RIC1: variants seen among roughly 807,000 people sequenced by gnomAD.
The protein encoded by RIC1 is guanine nucleotide exchange factor subunit RIC1.
Under a neutral mutation model 169.0 loss-of-function variants are expected in RIC1, and 88 were observed. That is an observed-to-expected ratio of 0.52 (90% CI 0.44 to 0.62). The LOEUF is 0.62. RIC1 is among the 20% of genes least tolerant of loss of function. The probability of loss-of-function intolerance (pLI) is 0.00; values close to 1 mark genes in which losing one functional copy is unlikely to be tolerated. For missense variants in RIC1, 1,877 were observed against 1,725.5 expected (o/e 1.09, Z -1.56); for synonymous variants, 790 against 601.5 (o/e 1.31, Z -4.59).
intron 2 of RIC1, among the ~76,000 whole-genome samples, chr9:5,685,938 C>T (rs992284493): frequency 1.4e-4 from 21 of 150,664 alleles, no homozygotes; most frequent in Non-Finnish European, 2.1e-4. Context: ...AAGAAAAAAA[C>T]AAACAAACCC....
At chr9:5,652,942 T>C (rs2130421766) in intron 1 of RIC1, among the ~76,000 whole-genome samples, 1 of 152,358 alleles carries the variant, frequency 6.6e-6, no homozygotes, top group South Asian at 2.1e-4. Flanking sequence ...ATGCTTTTTC[T>C]GCCTCTCCTG....
At chr9:5,662,167 T>G (rs968980112) in intron 2 of RIC1, among the ~76,000 whole-genome samples, 1 of 152,186 alleles carries the variant, frequency 6.6e-6, no homozygotes, top group Non-Finnish European at 1.5e-5. Flanking sequence ...AGTCTTGCAT[T>G]CCGGGGATGA....
intron 7 of RIC1, among the ~76,000 whole-genome samples, chr9:5,737,512 C>T (rs1370823321): frequency 6.8e-6 from 1 of 146,716 alleles, no homozygotes; most frequent in Non-Finnish European, 1.6e-5. Flanking sequence ...GTATTTTTAC[C>T]ACAAATATAT....
At chr9:5,716,335 C>T (rs533107600) in intron 4 of RIC1, among the ~76,000 whole-genome samples, 27 of 152,146 alleles carry the variant, frequency 1.8e-4, no homozygotes, top group Admixed American at 6.5e-4. Flanking sequence ...AGGCTGGGCA[C>T]GGTGGCTCAT....
chr9:5,752,755 C>T (rs554195932), intron 12 of RIC1, among the ~76,000 whole-genome samples: 3 of 152,218 alleles, frequency 2.0e-5, no homozygotes, highest in South Asian at 4.1e-4. Flanking sequence ...CTGTTTTAAT[C>T]AGAAAAGTGT....
At chr9:5,696,506 C>T (rs189072788) in intron 3 of RIC1, among the ~76,000 whole-genome samples, 188 of 152,092 alleles carry the variant, frequency 1.2e-3, no homozygotes, top group Admixed American at 3.6e-3. Context: ...CTCCTATATC[C>T]GCCCCTGTAC....
At chr9:5,751,763 A>C (rs914781821) in intron 12 of RIC1, among the ~76,000 whole-genome samples, 1 of 152,226 alleles carries the variant, frequency 6.6e-6, no homozygotes, top group African/African-American at 2.4e-5. Context: ...GCACTTGATA[A>C]TAAGTGAAGT....
intron 12 of RIC1, among the ~76,000 whole-genome samples, chr9:5,748,866 A>T (rs1291466803): frequency 2.0e-5 from 3 of 152,256 alleles, no homozygotes; most frequent in Non-Finnish European, 2.9e-5. Context: ...TTTGGGTACT[A>T]GCAAGATTCC....
chr9:5,680,895 C>T (rs1358800554), intron 2 of RIC1, among the ~76,000 whole-genome samples: 6 of 128,542 alleles, frequency 4.7e-5, no homozygotes, highest in Non-Finnish European at 9.4e-5. Context: ...GGCGCGATCT[C>T]GGCTCACTGC....
chr9:5,650,180 G>C (rs554883004), intron 1 of RIC1, among the ~76,000 whole-genome samples: 1 of 152,116 alleles, frequency 6.6e-6, no homozygotes, highest in Non-Finnish European at 1.5e-5. Context: ...TTAGGTGCTG[G>C]TGGTTGCAGT....
intron 3 of RIC1, among the ~76,000 whole-genome samples, chr9:5,696,590 C>T (rs778245980): frequency 6.7e-6 from 1 of 149,058 alleles, no homozygotes; most frequent in Non-Finnish European, 1.5e-5. Context: ...TTCATCAATA[C>T]CTTCTTACTT....
At chr9:5,745,026 C>A (rs555092493) in intron 10 of RIC1, among the ~76,000 whole-genome samples, 5 of 152,278 alleles carry the variant, frequency 3.3e-5, no homozygotes, top group African/African-American at 1.2e-4. Flanking sequence ...CCAAGGACCC[C>A]TTCTGATGTC....
intron 7 of RIC1, among the ~76,000 whole-genome samples, chr9:5,736,755 A>G (rs1455335855): frequency 3.3e-5 from 5 of 152,228 alleles, no homozygotes; most frequent in Admixed American, 1.3e-4. Context: ...CAGATTAGAC[A>G]TTGCAGAAGA....
At position 5,772,451 on chromosome 9, in the gene RIC1, T is replaced by C; in HGVS notation, c.3617-113T>C. The C allele has an allele frequency of 3.7e-6, 3 of 809,912 alleles. No individual in the cohort carries two copies. In the South Asian group the frequency reaches 6.4e-5, roughly 17 times the overall value. The allele number at this position is 809,912 out of a possible 1,614,324, so 50.2% of individuals were successfully genotyped here. A position where few individuals can be genotyped will look rare whatever the true frequency, so the allele number is the denominator to read the frequency against. The stretch of plus-strand genomic sequence containing the variant: ...TAATTTTAGCCATGGATTTCATGTT[T>C]TAGTTTCAAGATCCTGAGAAATCAA... On this transcript the variant is annotated intron_variant, in intron 23 of 25. Transcript: ENST00000414202.
intron 7 of RIC1, among the ~76,000 whole-genome samples, chr9:5,733,143 A>G (rs1824473048): frequency 6.6e-6 from 1 of 151,828 alleles, no homozygotes; most frequent in Admixed American, 6.6e-5. Context: ...TTAGTTTTCT[A>G]AACTCTTTCT....
chr9:5,715,222 T>A (rs560146872), intron 4 of RIC1, among the ~76,000 whole-genome samples: 1 of 152,202 alleles, frequency 6.6e-6, no homozygotes, highest in Admixed American at 6.5e-5. Flanking sequence ...AGTAACTTGA[T>A]ACATAAGGAA....
intron 12 of RIC1, chr9:5,748,447 ATGAACT>A (rs1294060046): frequency 6.6e-6 from 1 of 152,638 alleles, no homozygotes; most frequent in Non-Finnish European, 1.5e-5. Flanking sequence ...CTAAAAGAAA[ATGAACT>A]TAACTTACAT....
At chr9:5,769,287 G>A (rs373084735) in intron 22 of RIC1, 31 bp downstream of exon 22, 41 of 1,613,724 alleles carry the variant, frequency 2.5e-5, no homozygotes, top group Non-Finnish European at 3.1e-5. Flanking sequence ...CTTGTACAAG[G>A]AGAATTGTAT....
intron 17 of RIC1, among the ~76,000 whole-genome samples, chr9:5,759,137 T>A (rs1826186676): frequency 6.6e-6 from 1 of 152,202 alleles, no homozygotes. Context: ...CAGTTAGTCC[T>A]AATTGATAAG....
Sources: allele counts gnomAD v4.1 joint callset (sites outside exome capture counted in the v4.1 genomes callset), GRCh38; gene constraint gnomAD v4.1.1; transcripts MANE v1.5; gene names NCBI Gene and HGNC (gene_info 2026-07-23, HGNC 2026-07-21).